WWC1: variants seen among roughly 807,000 people sequenced by gnomAD.
The protein encoded by WWC1 is protein KIBRA.
Under a neutral mutation model 138.4 loss-of-function variants are expected in WWC1, and 55 were observed. That is an observed-to-expected ratio of 0.40 (90% CI 0.32 to 0.50). The LOEUF (loss-of-function observed/expected upper bound fraction) is 0.50. Among genes scored for constraint, WWC1 ranks in the 20% least tolerant of loss-of-function variants. WWC1 has a pLI of 0.72. For missense variants in WWC1, 1,226 were observed against 1,420.4 expected, an observed-to-expected ratio of 0.86 and a Z score of 2.20; for synonymous variants, 524 against 564.9, an observed-to-expected ratio of 0.93 and a Z score of 1.03.
chr5:168,388,252 C>G (rs1778192039), intron 3 of WWC1, among the ~76,000 whole-genome samples: 1 of 151,868 alleles, frequency 6.6e-6, no homozygotes, highest in Non-Finnish European at 1.5e-5. Flanking sequence ...CCAGACAAAT[C>G]CATAATATGG....
intron 1 of WWC1, among the ~76,000 whole-genome samples, chr5:168,334,992 A>G (rs1001594468): frequency 1.3e-5 from 2 of 152,190 alleles, no homozygotes; most frequent in Non-Finnish European, 2.9e-5. Context: ...AGGAGCCTGC[A>G]GGGAAGTGAA....
chr5:168,420,159 A>G (rs6859300), intron 9 of WWC1, among the ~76,000 whole-genome samples: 65,504 of 151,960 alleles, frequency 0.43, 15,580 homozygotes, highest in East Asian at 0.77. Flanking sequence ...GCGTGAGTCT[A>G]CTAGGGCTGC....
intron 1 of WWC1, among the ~76,000 whole-genome samples, chr5:168,329,302 G>T (rs535630222): frequency 6.6e-6 from 1 of 152,298 alleles, no homozygotes; most frequent in African/African-American, 2.4e-5. Flanking sequence ...GTTATGCTGA[G>T]CCCAAGTGGG....
intron 1 of WWC1, among the ~76,000 whole-genome samples, chr5:168,339,090 C>T (rs1388035284): frequency 6.6e-6 from 1 of 152,090 alleles, no homozygotes; most frequent in Non-Finnish European, 1.5e-5. Context: ...AAAATATGTA[C>T]AATTATGTGC....
chr5:168,373,901 C>G (rs1266150827), intron 2 of WWC1, among the ~76,000 whole-genome samples: 2 of 151,680 alleles, frequency 1.3e-5, no homozygotes, highest in Non-Finnish European at 2.9e-5. Flanking sequence ...AAAAAATTAG[C>G]TGGGCGTGGT....
chr5:168,411,075 G>C (rs1045585677), intron 8 of WWC1, among the ~76,000 whole-genome samples: 1 of 151,832 alleles, frequency 6.6e-6, no homozygotes, highest in Admixed American at 6.6e-5. Flanking sequence ...ACAGGCACCC[G>C]TCACAACGCC....
chr5:168,340,496 T>C (rs1773952187), intron 1 of WWC1, among the ~76,000 whole-genome samples: 1 of 149,524 alleles, frequency 6.7e-6, no homozygotes, highest in South Asian at 2.2e-4. Context: ...CAATCTTCAC[T>C]TCCCCCCAGC....
intron 8 of WWC1, among the ~76,000 whole-genome samples, chr5:168,412,330 G>A (rs750675792): frequency 3.3e-5 from 5 of 152,190 alleles, no homozygotes; most frequent in African/African-American, 9.6e-5. Context: ...GGGAAGGGAG[G>A]TGTCTGTAAT....
chr5:168,343,399 A>G (rs985271338), intron 1 of WWC1, among the ~76,000 whole-genome samples: 2 of 152,194 alleles, frequency 1.3e-5, no homozygotes, highest in Non-Finnish European at 2.9e-5. Flanking sequence ...CTGACACTCA[A>G]AGAAGGGAAA....
chr5:168,360,821 T>A (rs1056362817), intron 1 of WWC1, among the ~76,000 whole-genome samples: 1 of 152,332 alleles, frequency 6.6e-6, no homozygotes, highest in Admixed American at 6.5e-5. Context: ...CTCCTCAAGC[T>A]GTGTGGTAAG....
At position 168,292,036 on chromosome 5, in the gene WWC1, C is replaced by T. The variant is rs549835218; in HGVS notation, c.-117C>T. 23 of 1,287,238 alleles carry T rather than the reference C, an allele frequency of 1.8e-5. No homozygotes were observed. In the South Asian group the frequency reaches 4.2e-4, roughly 24 times the overall value. The allele number at this position is 1,287,238 out of a possible 1,614,324, so 79.7% of individuals were successfully genotyped here. ...ACTAGGGCCCCCCATCTGCGGGCGC[C>T]ACCCCCCGGATCATGGTGCCTCGGC... On this transcript the variant is annotated 5_prime_UTR_variant, in exon 1 of 23. Transcript: ENST00000265293. This position sits in a 1 kb window ranked among gnomAD's most constrained non-coding sequence, Gnocchi z 4.4.
chr5:168,408,478 A>G, intron 6 of WWC1, 29 bp from the exon 7 acceptor site: 1 of 1,610,196 alleles, frequency 6.2e-7, no homozygotes, highest in Non-Finnish European at 8.5e-7. Context: ...GGGAAGGCGC[A>G]TCACTAACCC....
At chr5:168,391,666 A>AG in intron 3 of WWC1, among the ~76,000 whole-genome samples, 2 of 148,932 alleles carry the variant, frequency 1.3e-5, no homozygotes, top group Admixed American at 6.7e-5. Context: ...CTCAAAAAAA[A>AG]AAAAACAAAA....
intron 1 of WWC1, among the ~76,000 whole-genome samples, chr5:168,298,957 C>T (rs1471634600): frequency 2.0e-5 from 3 of 152,136 alleles, no homozygotes; most frequent in Admixed American, 1.3e-4. Context: ...TGGTGGCACG[C>T]ACCTGTAATC....
intron 1 of WWC1, among the ~76,000 whole-genome samples, chr5:168,296,764 C>T (rs1438363744): frequency 6.6e-6 from 1 of 152,222 alleles, no homozygotes; most frequent in Non-Finnish European, 1.5e-5. Context: ...AGCCCCTCAA[C>T]CTTTGTGGAG....
rs981922231 is a variant in WWC1, at chr5:168,358,358, A to C, written c.120-13066A>C. Reference sequence around the variant, plus strand: ...AGCTCGGTGAGTGTCAGGGAACCTGAGTGTCCAGAAGGATCCACTCCTCTG... The same window carrying C: ...AGCTCGGTGAGTGTCAGGGAACCTGCGTGTCCAGAAGGATCCACTCCTCTG... On this transcript the variant is annotated intron_variant, in intron 1 of 22. Transcript: ENST00000265293. 2.0e-5 allele frequency among the ~76,000 whole-genome samples: 3 copies of C among 152,208 alleles called. No homozygotes were observed. The South Asian group carries it at 6.2e-4, about 32-fold the overall frequency.
chr5:168,451,903 CTTTT>C (rs3085192), intron 17 of WWC1, among the ~76,000 whole-genome samples: 95 of 108,506 alleles, frequency 8.8e-4, no homozygotes, highest in Non-Finnish European at 1.2e-3. Flanking sequence ...TTGTTGGTGT[CTTTT>C]TTTTTTTTTT....
rs763380114 is a variant in WWC1, at chr5:168,409,968, G to A, written c.914G>A (p.Arg305His). The change falls in exon 8 of 23, where the codon CGC becomes CAC. Residue 305 changes from arginine (R) to histidine (H), a missense_variant. This residue lies in a region of WWC1 where 1,016 missense variants were observed against 1,153.9 expected (regional missense o/e 0.88). Coordinates refer to ENST00000265293, the MANE Select transcript of WWC1 (RefSeq NM_015238.3). ...CAGTTGGCAGAGAAGGTCAGATTGC[G>A]CCTTCGATATGAAGAGGCTAAGAGA... ...NNQLAEKVRL[R>H]LRYEEAKRRI... 69 of 1,613,810 alleles carry A rather than the reference G, an allele frequency of 4.3e-5. No individual in the cohort carries two copies. The highest frequency in any genetic ancestry group is 1.6e-4 in the Middle Eastern group (1 of 6,082).
intron 1 of WWC1, among the ~76,000 whole-genome samples, chr5:168,313,005 G>A (rs559643630): frequency 2.2e-4 from 33 of 151,738 alleles, no homozygotes; most frequent in African/African-American, 8.0e-4. Context: ...ACAGGGTTTC[G>A]TCATGTTTGC....
Sources: allele counts gnomAD v4.1 joint callset (sites outside exome capture counted in the v4.1 genomes callset), GRCh38; gene constraint gnomAD v4.1.1; regional missense constraint gnomAD v4.1.1; non-coding constraint Gnocchi (gnomAD v3.1); transcripts MANE v1.5; gene names NCBI Gene and HGNC (gene_info 2026-07-23, HGNC 2026-07-21).